Variants in FBN1 observed in about 807,000 individuals in gnomAD.
FBN1 encodes the protein fibrillin-1.
Under a neutral mutation model 365.1 loss-of-function variants are expected in FBN1, and 29 were observed. The ratio of observed to expected loss-of-function variants is 0.08; its 90% CI spans 0.06 to 0.11. FBN1 has a LOEUF of 0.11. Ranked by LOEUF, FBN1 falls within the 10% of genes least tolerant of loss-of-function variation. FBN1 has a pLI of 1.00. For missense variants in FBN1, 2,476 were observed against 3,703.2 expected, an observed-to-expected ratio of 0.67 and a Z score of 8.60; for synonymous variants, 1,210 against 1,270.5, an observed-to-expected ratio of 0.95 and a Z score of 1.01.
At chr15:48,579,454 A>T (rs1276033923) in intron 6 of FBN1, among the ~76,000 whole-genome samples, 1 of 152,102 alleles carries the variant, frequency 6.6e-6, no homozygotes, top group Non-Finnish European at 1.5e-5. Context: ...ATATAGCTCT[A>T]CTACCATCTC....
At chr15:48,519,384 G>T (rs2043831936) in intron 10 of FBN1, among the ~76,000 whole-genome samples, 1 of 152,128 alleles carries the variant, frequency 6.6e-6, no homozygotes, top group African/African-American at 2.4e-5. Flanking sequence ...GCAAGATTTT[G>T]CTAAATACTA....
chr15:48,412,537 G>A, intron 65 of FBN1, 32 bp downstream of exon 65: 1 of 1,611,448 alleles, frequency 6.2e-7, no homozygotes, highest in Non-Finnish European at 8.5e-7. Context: ...TCCACCACAG[G>A]AGACATCAGG....
At chr15:48,498,772 A>T (rs1216400371) in intron 18 of FBN1, among the ~76,000 whole-genome samples, 2 of 152,114 alleles carry the variant, frequency 1.3e-5, no homozygotes, top group East Asian at 1.9e-4. Flanking sequence ...TCAGTGGCCA[A>T]GTCCCACAGC....
intron 6 of FBN1, among the ~76,000 whole-genome samples, chr15:48,538,572 T>C (rs998875145): frequency 6.6e-6 from 1 of 151,184 alleles, no homozygotes; most frequent in African/African-American, 2.4e-5. Flanking sequence ...CCACCAGCTA[T>C]AAGATCTGCC....
chr15:48,490,712 A>C (rs1463907654), intron 24 of FBN1, among the ~76,000 whole-genome samples: 1 of 152,212 alleles, frequency 6.6e-6, no homozygotes, highest in Non-Finnish European at 1.5e-5. Context: ...AATTCATGGG[A>C]TTATAAAGAA....
intron 2 of FBN1, among the ~76,000 whole-genome samples, chr15:48,639,735 T>C (rs1015743473): frequency 2.0e-5 from 3 of 152,208 alleles, no homozygotes; most frequent in Admixed American, 6.5e-5. Flanking sequence ...TCAGGCCTGA[T>C]ATATTATTGA....
At chr15:48,415,102 C>T (rs369506210) in intron 64 of FBN1, among the ~76,000 whole-genome samples, 1 of 152,086 alleles carries the variant, frequency 6.6e-6, no homozygotes, top group East Asian at 1.9e-4. Context: ...AAAGGGATGT[C>T]TTTGACTTAT....
intron 27 of FBN1, 29 bp downstream of exon 27, chr15:48,488,083 TC>T (rs762639791): frequency 8.1e-6 from 13 of 1,613,978 alleles, no homozygotes; most frequent in Non-Finnish European, 1.1e-5. Flanking sequence ...TCCTTCTCTT[TC>T]TGTGTTGATC....
At chr15:48,559,815 T>G (rs564777361) in intron 6 of FBN1, among the ~76,000 whole-genome samples, 1 of 152,232 alleles carries the variant, frequency 6.6e-6, no homozygotes, top group African/African-American at 2.4e-5. Flanking sequence ...ACAAAATATA[T>G]TGAAGTGAAA....
rs182741985 is a variant in FBN1, at chr15:48,636,349, G to A, written c.164+8257C>T. On this transcript the variant is annotated intron_variant, in intron 2 of 65. Transcript: ENST00000316623. ...AGAATCAAGGAAGCCAGGCAATGTC[G>A]AGGACATATGAGTCCATGTGACCCC... 5.6e-4 allele frequency among the ~76,000 whole-genome samples: 85 copies of A among 152,276 alleles called. 1 individual carries two copies. Among genetic ancestry groups the A allele is most frequent in the African/African-American group, 1.7e-3 (70 of 41,540 alleles).
At chr15:48,507,498 T>C (rs985723664) in intron 15 of FBN1, among the ~76,000 whole-genome samples, 6 of 152,186 alleles carry the variant, frequency 3.9e-5, no homozygotes, top group African/African-American at 1.4e-4. Context: ...GAAGACAGGT[T>C]TGCACAATAT....
chr15:48,520,004 T>C (rs1048201996), intron 10 of FBN1, among the ~76,000 whole-genome samples: 2 of 152,208 alleles, frequency 1.3e-5, no homozygotes, highest in Non-Finnish European at 2.9e-5. Flanking sequence ...TATGCATTCA[T>C]TGTGTACAAC....
At chr15:48,419,510 C>T (rs2042924635) in intron 63 of FBN1, among the ~76,000 whole-genome samples, 1 of 152,090 alleles carries the variant, frequency 6.6e-6, no homozygotes, top group Admixed American at 6.6e-5. Flanking sequence ...AATCAAAGAC[C>T]TCCCTGAGCT....
chr15:48,525,808 G>A (rs1374447389), intron 9 of FBN1, among the ~76,000 whole-genome samples: 2 of 152,156 alleles, frequency 1.3e-5, no homozygotes, highest in Non-Finnish European at 2.9e-5. Context: ...GGGAATGACT[G>A]AAGGTGGGGG....
rs1411559162 is a variant in FBN1, at chr15:48,448,676, C to T, written c.5671+92G>A. 3.9e-6 allele frequency: 5 copies of T among 1,272,304 alleles called. No homozygotes were observed. The East Asian group carries it at 1.0e-4, about 26-fold the overall frequency. The allele number at this position is 1,272,304 out of a possible 1,614,324, so 78.8% of individuals were successfully genotyped here. A position where few individuals can be genotyped will look rare whatever the true frequency, so the allele number is the denominator to read the frequency against. ...TATTTTGTATATAGCAAAAATACTA[C>T]TAAAAGACTTAGTATTAAATTTTAT... On this transcript the variant is annotated intron_variant, in intron 46 of 65. Transcript: ENST00000316623.
chr15:48,623,991 A>ACG (rs775714527), intron 2 of FBN1, among the ~76,000 whole-genome samples: 1 of 151,600 alleles, frequency 6.6e-6, no homozygotes, highest in Non-Finnish European at 1.5e-5. Context: ...ACACACACAC[A>ACG]CACACGCACA....
chr15:48,597,414 G>T (rs946341281), intron 5 of FBN1, among the ~76,000 whole-genome samples: 2 of 152,126 alleles, frequency 1.3e-5, no homozygotes, highest in Non-Finnish European at 2.9e-5. Flanking sequence ...TCTTTGATGG[G>T]CACTTTTTGC....
At chr15:48,570,465 A>G (rs746057950) in intron 6 of FBN1, among the ~76,000 whole-genome samples, 3 of 147,712 alleles carry the variant, frequency 2.0e-5, no homozygotes, top group Non-Finnish European at 4.4e-5. Flanking sequence ...TGTTGGGAAA[A>G]CTTTGAAAAA....
rs2042853199 is a variant in FBN1 at position 48,410,698 on chromosome 15, A to C, written c.*292T>G. 2.6e-6 allele frequency: 1 copy of C among 378,094 alleles called. No homozygotes were observed. Among genetic ancestry groups the C allele is most frequent in the Non-Finnish European group, 4.8e-6 (1 of 209,632 alleles). 23.4% of individuals were successfully genotyped at this position (378,094 alleles called of 1,614,324 possible). A position where few individuals can be genotyped will look rare whatever the true frequency, so the allele number is the denominator to read the frequency against. Reference sequence around the variant, plus strand: ...CCCGTACGTTTGCTGGAAGGATGGCATGTCAGCATAAATGGCCAACCCCCA... The same window carrying C: ...CCCGTACGTTTGCTGGAAGGATGGCCTGTCAGCATAAATGGCCAACCCCCA... On this transcript the variant is annotated 3_prime_UTR_variant, in exon 66 of 66. Transcript: ENST00000316623.
Sources: allele counts gnomAD v4.1 joint callset (sites outside exome capture counted in the v4.1 genomes callset), GRCh38; gene constraint gnomAD v4.1.1; transcripts MANE v1.5; gene names NCBI Gene and HGNC (gene_info 2026-07-23, HGNC 2026-07-21).